ZDHHC2: variants seen among roughly 807,000 people sequenced by gnomAD.
ZDHHC2 encodes the protein palmitoyltransferase ZDHHC2.
In ZDHHC2, 51 loss-of-function variants were observed where a neutral mutation model predicts 55.6. The ratio of observed to expected loss-of-function variants is 0.92; its 90% CI spans 0.73 to 1.16. ZDHHC2 has a LOEUF of 1.16. ZDHHC2 is among the 50% of genes most tolerant of loss of function. The pLI, the probability that ZDHHC2 is intolerant of heterozygous loss-of-function variation, is 0.00. For synonymous variants in ZDHHC2, 199 were observed against 152.9 expected, an observed-to-expected ratio of 1.30 and a Z score of -2.22; for missense variants, 491 against 442.4, an observed-to-expected ratio of 1.11 and a Z score of -0.99.
At chr8:17,187,122 C>G (rs964713635) in intron 3 of ZDHHC2, among the ~76,000 whole-genome samples, 1 of 152,186 alleles carries the variant, frequency 6.6e-6, no homozygotes, top group African/African-American at 2.4e-5. Context: ...GGGAGTGTAG[C>G]CTTTCTTCTC....
Position 17,219,227 on chromosome 8 carries a change from G to A in ZDHHC2, c.*35-1029G>A, listed in dbSNP as rs1201745229. On this transcript the variant is annotated intron_variant, in intron 12 of 12. Coordinates refer to ENST00000262096, the MANE Select transcript of ZDHHC2 (RefSeq NM_016353.5). The stretch of plus-strand genomic sequence containing the variant: ...ATCGTGCCATTGCACTCCAGCCTGG[G>A]AGCTTGGGTGACAGAGCAAGACTCT... 2.3e-5 allele frequency among the ~76,000 whole-genome samples: 3 copies of A among 131,038 alleles called. No homozygotes were observed. In the East Asian group the frequency reaches 7.6e-4, roughly 33 times the overall value. The allele number at this position is 131,038 out of a possible 152,430, so 86.0% of individuals were successfully genotyped here. A position where few individuals can be genotyped will look rare whatever the true frequency, so the allele number is the denominator to read the frequency against.
At chr8:17,201,098 G>C (rs2904673) in intron 6 of ZDHHC2, among the ~76,000 whole-genome samples, 107,648 of 152,038 alleles carry the variant, frequency 0.71, 39,771 homozygotes, top group Non-Finnish European at 0.84. Flanking sequence ...AAGTCTATAG[G>C]TAATAACATG....
intron 1 of ZDHHC2, among the ~76,000 whole-genome samples, chr8:17,159,726 TAA>T (rs1804237563): frequency 6.6e-6 from 1 of 152,136 alleles, no homozygotes; most frequent in South Asian, 2.1e-4. Flanking sequence ...TATTTTTGGT[TAA>T]GTCAGCTTCC....
At chr8:17,196,972 A>G (rs1806348456) in intron 4 of ZDHHC2, among the ~76,000 whole-genome samples, 1 of 152,180 alleles carries the variant, frequency 6.6e-6, no homozygotes, top group Non-Finnish European at 1.5e-5. Flanking sequence ...TTAGAATCAT[A>G]ATTGAATCTT....
In ZDHHC2 at chr8:17,195,487, T is replaced by A. The variant is rs773752184; in HGVS notation, c.253-17T>A. 1.9e-6 allele frequency: 3 copies of A among 1,605,158 alleles called. No homozygotes were observed. Among genetic ancestry groups the A allele is most frequent in the East Asian group, 4.5e-5 (2 of 44,630 alleles). ...TTTCTTTGAAAATACTGATTAAGAT[T>A]TAAATGTATTCCACAGTTCCATCTC... is the stretch of plus-strand genomic sequence containing the variant. On this transcript the variant is annotated splice_polypyrimidine_tract_variant and intron_variant, in intron 3 of 12. Coordinates refer to ENST00000262096, the MANE Select transcript of ZDHHC2 (RefSeq NM_016353.5).
Position 17,205,739 on chromosome 8 carries a change from G to A in ZDHHC2, c.561G>A (p.Ala187=), listed in dbSNP as rs755162479. 197 of 1,607,062 alleles carry A rather than the reference G, an allele frequency of 1.2e-4. No homozygotes were observed. Among genetic ancestry groups the A allele is most frequent in the Middle Eastern group, 1.7e-4 (1 of 6,052 alleles). Residue 187 remains alanine (A), a synonymous_variant, in exon 7 of 13, where the codon GCG becomes GCA. Transcript: ENST00000262096. ...CTCTGCTCTACTGCCTTTTTATTGC[G>A]GCAACAGATTTACAGTATTTTATCA... is the stretch of plus-strand genomic sequence containing the variant. The part of the protein sequence containing the change: ...AYSLLYCLFI[A]ATDLQYFIKF...
intron 1 of ZDHHC2, among the ~76,000 whole-genome samples, chr8:17,170,646 C>G (rs1386198644): frequency 3.3e-5 from 5 of 152,076 alleles, no homozygotes; most frequent in Non-Finnish European, 7.4e-5. Flanking sequence ...GGTTTTTCTC[C>G]TTAATAAATC....
chr8:17,169,317 G>T (rs1463336919), intron 1 of ZDHHC2, among the ~76,000 whole-genome samples: 1 of 149,024 alleles, frequency 6.7e-6, no homozygotes, highest in Non-Finnish European at 1.5e-5. Context: ...AGAATCCCAT[G>T]TTGCCCATAT....
At chr8:17,177,128 C>T (rs1413963608) in intron 1 of ZDHHC2, among the ~76,000 whole-genome samples, 1 of 152,146 alleles carries the variant, frequency 6.6e-6, no homozygotes, top group Non-Finnish European at 1.5e-5. Flanking sequence ...AAAGAATTCT[C>T]TATGAATTTG....
Position 17,197,618 on chromosome 8 carries a change from C to T in ZDHHC2, c.410C>T (p.Pro137Leu). 6.2e-7 allele frequency: 1 copy of T among 1,613,754 alleles called. No individual in the cohort carries two copies. Among genetic ancestry groups the T allele is most frequent in the Non-Finnish European group, 8.5e-7 (1 of 1,179,750 alleles). ...RYCDRCQLIKPDRCHHCSVCD... is the reference protein window; with the variant it reads ...RYCDRCQLIKLDRCHHCSVCD... Reference sequence around the variant, plus strand: ...TGTGACAGATGCCAACTTATAAAACCAGATCGCTGCCATCACTGCTCCGTC... The same window carrying T: ...TGTGACAGATGCCAACTTATAAAACTAGATCGCTGCCATCACTGCTCCGTC... The change falls in exon 5 of 13, where the codon CCA becomes CTA. Residue 137 changes from proline to leucine, a missense_variant. Coordinates refer to ENST00000262096, the MANE Select transcript of ZDHHC2 (RefSeq NM_016353.5).
At chr8:17,160,172 G>T (rs1173951559) in intron 1 of ZDHHC2, among the ~76,000 whole-genome samples, 2 of 152,178 alleles carry the variant, frequency 1.3e-5, no homozygotes, top group Non-Finnish European at 2.9e-5. Context: ...CCCCTTTTAA[G>T]TGCTAACATT....
At chr8:17,184,895 TAATA>T in intron 2 of ZDHHC2, 80 bp downstream of exon 2, 1 of 1,277,224 alleles carries the variant, frequency 7.8e-7, no homozygotes, top group Middle Eastern at 2.6e-4. Flanking sequence ...TGGTTGGGAT[TAATA>T]AATTGTTGTT....
At chr8:17,167,533 G>T (rs1048357540) in intron 1 of ZDHHC2, among the ~76,000 whole-genome samples, 1 of 151,934 alleles carries the variant, frequency 6.6e-6, no homozygotes, top group African/African-American at 2.4e-5. Flanking sequence ...TTGAACTCCT[G>T]ACCTCAGGTG....
intron 1 of ZDHHC2, chr8:17,157,594 G>A (rs1472251462): frequency 2.0e-5 from 3 of 152,242 alleles, no homozygotes; most frequent in Admixed American, 6.5e-5. Context: ...TACTTTTAAT[G>A]CTGAAGATTA....
At chr8:17,206,600 A>C (rs751617265) in intron 7 of ZDHHC2, among the ~76,000 whole-genome samples, 1 of 152,212 alleles carries the variant, frequency 6.6e-6, no homozygotes, top group Non-Finnish European at 1.5e-5. Context: ...TTTTTAAACT[A>C]TCATGCCTAT....
At chr8:17,203,087 A>C (rs1287137119) in intron 6 of ZDHHC2, among the ~76,000 whole-genome samples, 1 of 97,700 alleles carries the variant, frequency 1.0e-5, no homozygotes, top group Non-Finnish European at 2.0e-5. Context: ...TTTGAGATGG[A>C]ATTTCACTGT....
chr8:17,216,595 T>A (rs1807662490), intron 11 of ZDHHC2, among the ~76,000 whole-genome samples: 1 of 152,150 alleles, frequency 6.6e-6, no homozygotes, highest in South Asian at 2.1e-4. Flanking sequence ...TGTTGAGACG[T>A]GGAAAAACAA....
At position 17,221,456 on chromosome 8, in the gene ZDHHC2, G is replaced by T. The variant is rs773603289; in HGVS notation, c.*1235G>T. 1.3e-5 allele frequency: 2 copies of T among 152,444 alleles called. No individual in the cohort carries two copies. The highest frequency in any genetic ancestry group is 2.9e-5 in the Non-Finnish European group (2 of 67,934). The allele number at this position is 152,444 out of a possible 1,614,324, so 9.4% of individuals were successfully genotyped here. On this transcript the variant is annotated 3_prime_UTR_variant, in exon 13 of 13. Coordinates refer to ENST00000262096, the MANE Select transcript of ZDHHC2 (RefSeq NM_016353.5). ...ATGTTAACAATTAGAATAATACTCT[G>T]TATGCTTTTTTGATACTGATTTTGA...
At chr8:17,187,240 G>A (rs1018169935) in intron 3 of ZDHHC2, among the ~76,000 whole-genome samples, 9 of 152,228 alleles carry the variant, frequency 5.9e-5, no homozygotes, top group African/African-American at 1.9e-4. Context: ...AAATTTGCAT[G>A]TTGAAAAGAT....
Sources: allele counts gnomAD v4.1 joint callset (sites outside exome capture counted in the v4.1 genomes callset), GRCh38; gene constraint gnomAD v4.1.1; transcripts MANE v1.5; gene names NCBI Gene and HGNC (gene_info 2026-07-23, HGNC 2026-07-21).